ANGPTL7: variants seen among roughly 807,000 people sequenced by gnomAD.
ANGPTL7 encodes angiopoietin-related protein 7.
In ANGPTL7, 37 loss-of-function variants were observed where a neutral mutation model predicts 38.8. That is an observed-to-expected ratio of 0.95 (90% CI 0.73 to 1.25). The LOEUF (loss-of-function observed/expected upper bound fraction) is 1.25, where lower values mean the gene tolerates loss of function less well. ANGPTL7 is among the 50% of genes most tolerant of loss of function. ANGPTL7 has a pLI of 0.00. For synonymous variants in ANGPTL7, 166 were observed against 163.2 expected, an observed-to-expected ratio of 1.02 and a Z score of -0.13; for missense variants, 427 against 438.6, an observed-to-expected ratio of 0.97 and a Z score of 0.24.
Position 11,194,561 on chromosome 1 carries a change from T to C in ANGPTL7, c.773T>C (p.Val258Ala). 3 of 1,614,078 alleles carry C rather than the reference T, an allele frequency of 1.9e-6. No homozygotes were observed. Among genetic ancestry groups the C allele is most frequent in the Non-Finnish European group, 2.5e-6 (3 of 1,180,012 alleles). ...TTCCTGGGGAACTACACTGGCAATG[T>C]GGGGAACGACGCCCTCCAGTATCAT... is the stretch of plus-strand genomic sequence containing the variant. ...RLFLGNYTGN[V>A]GNDALQYHNN... Residue 258 changes from valine to alanine, a missense_variant, in exon 4 of 5, where the codon GTG becomes GCG. By Grantham distance (64) the Val-to-Ala change is moderately conservative. Transcript: ENST00000376819.
At position 11,189,900 on chromosome 1, in the gene ANGPTL7, C is replaced by T. The variant is rs200123468; in HGVS notation, c.321C>T (p.Asn107=). The T allele has an allele frequency of 3.7e-6, 6 of 1,613,984 alleles. No homozygotes were observed. The Admixed American group carries it at 6.7e-5, about 18-fold the overall frequency. ...AGAGCAAGTACTCCGAGATGAACAA[C>T]CAAATTGACATCATGCAGCTGCAGG... ...DAESKYSEMN[N]QIDIMQLQAA... Residue 107 remains asparagine, a synonymous_variant, in exon 1 of 5, where the codon AAC becomes AAT. Coordinates refer to ENST00000376819, the MANE Select transcript of ANGPTL7 (RefSeq NM_021146.4).
chr1:11,192,331 G>C lies in ANGPTL7; in HGVS notation c.438G>C (p.Lys146Asn), dbSNP rs761260014. Residue 146 changes from lysine to asparagine, a missense_variant, in exon 2 of 5, where the codon AAG becomes AAC. By Grantham distance (94) the Lys-to-Asn change is moderately conservative. Transcript: ENST00000376819. ...QKNYRISGVY[K>N]LPPDDFLGSP... The stretch of plus-strand genomic sequence containing the variant: ...ACTACCGCATCTCTGGAGTGTATAA[G>C]CTTCCTCCTGATGACTTCCTGGGCA... 1 of 1,614,084 alleles carries C rather than the reference G, an allele frequency of 6.2e-7. No homozygotes were observed. The highest frequency in any genetic ancestry group is 8.5e-7 in the Non-Finnish European group (1 of 1,180,010).
chr1:11,195,263 C>CT lies in ANGPTL7; in HGVS notation c.*241dup. ...GCCACATCCTTCTCAAGGTGGTAGA[C>CT]TGAGTGGGGTCTCTCTGCCCAAGAT... On this transcript the variant is annotated 3_prime_UTR_variant, in exon 5 of 5. Coordinates refer to ENST00000376819, the MANE Select transcript of ANGPTL7 (RefSeq NM_021146.4). 1 of 456,036 alleles carries CT rather than the reference C, an allele frequency of 2.2e-6. No individual in the cohort carries two copies. The highest frequency in any genetic ancestry group is 3.9e-6 in the Non-Finnish European group (1 of 258,080). 28.2% of individuals were successfully genotyped at this position (456,036 alleles called of 1,614,324 possible). A position where few individuals can be genotyped will look rare whatever the true frequency, so the allele number is the denominator to read the frequency against.
In ANGPTL7 at chr1:11,194,838, C is replaced by G. The variant is rs781413412; in HGVS notation, c.872-16C>G. The G allele has an allele frequency of 2.4e-5, 39 of 1,613,524 alleles. No individual in the cohort carries two copies. The highest frequency in any genetic ancestry group is 3.2e-5 in the Non-Finnish European group (38 of 1,179,692). ...CACAGTCAACTTACTAGCACTGGGT[C>G]TGTTTCTCATGCCAGGTGGCTACTG... On this transcript the variant is annotated splice_polypyrimidine_tract_variant and intron_variant, in intron 4 of 4. Transcript: ENST00000376819.
Position 11,189,461 on chromosome 1 carries a change from G to A in ANGPTL7, c.-119G>A. 1.7e-6 allele frequency: 2 copies of A among 1,205,292 alleles called. No individual in the cohort carries two copies. The highest frequency in any genetic ancestry group is 2.3e-6 in the Non-Finnish European group (2 of 865,772). 74.7% of individuals were successfully genotyped at this position (1,205,292 alleles called of 1,614,324 possible). A position where few individuals can be genotyped will look rare whatever the true frequency, so the allele number is the denominator to read the frequency against. Reference sequence around the variant, plus strand: ...AGGAAAGAGAGAAAACAACAAAGTGGCGAGGCCCTCAGAGTGAAAGCGTAA... The same window carrying A: ...AGGAAAGAGAGAAAACAACAAAGTGACGAGGCCCTCAGAGTGAAAGCGTAA... On this transcript the variant is annotated 5_prime_UTR_variant, in exon 1 of 5. Coordinates refer to ENST00000376819, the MANE Select transcript of ANGPTL7 (RefSeq NM_021146.4).
At chr1:11,193,921 G>C in intron 3 of ANGPTL7, 147 bp downstream of exon 3, 1 of 957,014 alleles carries the variant, frequency 1.0e-6, no homozygotes, top group East Asian at 2.7e-5. Context: ...ATGGAGTTGA[G>C]GAAAAATAGG....
rs757169602 is a variant in ANGPTL7 at position 11,195,065 on chromosome 1, G to A, written c.*42G>A. 247 of 1,598,698 alleles carry A rather than the reference G, an allele frequency of 1.5e-4. No individual in the cohort carries two copies. Among genetic ancestry groups the A allele is most frequent in the Non-Finnish European group, 1.9e-4 (219 of 1,170,708 alleles). On this transcript the variant is annotated 3_prime_UTR_variant, in exon 5 of 5. Transcript: ENST00000376819. ...AGCACGGATACAGAAACTGAGACAC[G>A]TGGAGACTGGATGAGGGCAGATGAG...
At chr1:11,194,818 T>C (rs752137567) in intron 4 of ANGPTL7, 36 bp from the exon 5 acceptor site, 3 of 1,611,170 alleles carry the variant, frequency 1.9e-6, no homozygotes, top group Non-Finnish European at 2.5e-6. Context: ...TCTATCACAG[T>C]CAACTTACTA....
chr1:11,189,931 C>T lies in ANGPTL7; in HGVS notation c.352C>T (p.Gln118Ter). 6.2e-7 allele frequency: 1 copy of T among 1,612,480 alleles called. No homozygotes were observed. The highest frequency in any genetic ancestry group is 8.5e-7 in the Non-Finnish European group (1 of 1,179,364). ...QIDIMQLQAA[Q>*]TVTQTSADAI... ...TGACATCATGCAGCTGCAGGCAGCACAGACGGTCACTCAGACCTCCGCAGG... is the reference window on the plus strand; with the variant it reads ...TGACATCATGCAGCTGCAGGCAGCATAGACGGTCACTCAGACCTCCGCAGG... The change falls in exon 1 of 5, where the codon CAG (glutamine) becomes TAG (stop). Residue 118 changes from glutamine (Q) to a stop codon, truncating the protein, a stop_gained. Coordinates refer to ENST00000376819, the MANE Select transcript of ANGPTL7 (RefSeq NM_021146.4). LOFTEE classifies it high-confidence loss of function.
rs907038685 is a variant in ANGPTL7, at chr1:11,195,805, G to T, written c.*782G>T. On this transcript the variant is annotated 3_prime_UTR_variant, in exon 5 of 5. Coordinates refer to ENST00000376819, the MANE Select transcript of ANGPTL7 (RefSeq NM_021146.4). ...TTACTTTGTAAGAAACAAGCTCAAG[G>T]AGCTTCCTTTTAAATTTTGTCTGTA... is the stretch of plus-strand genomic sequence containing the variant. 2 of 152,420 alleles carry T rather than the reference G, an allele frequency of 1.3e-5. No individual in the cohort carries two copies. Among genetic ancestry groups the T allele is most frequent in the Non-Finnish European group, 2.9e-5 (2 of 68,022 alleles). 9.4% of individuals were successfully genotyped at this position (152,420 alleles called of 1,614,324 possible). A position where few individuals can be genotyped will look rare whatever the true frequency, so the allele number is the denominator to read the frequency against.
Position 11,195,064 on chromosome 1 carries a change from C to A in ANGPTL7, c.*41C>A, listed in dbSNP as rs745392551. ...GAGCACGGATACAGAAACTGAGACA[C>A]GTGGAGACTGGATGAGGGCAGATGA... On this transcript the variant is annotated 3_prime_UTR_variant, in exon 5 of 5. Transcript: ENST00000376819. 1 of 1,600,248 alleles carries A rather than the reference C, an allele frequency of 6.2e-7. No homozygotes were observed. The highest frequency in any genetic ancestry group is 8.5e-7 in the Non-Finnish European group (1 of 1,171,732).
At chr1:11,191,867 A>G (rs1475848522) in intron 1 of ANGPTL7, among the ~76,000 whole-genome samples, 1 of 152,230 alleles carries the variant, frequency 6.6e-6, no homozygotes, top group Non-Finnish European at 1.5e-5. Context: ...ACTCTATGAG[A>G]TATTCACGAC....
rs1226798491 is a variant in ANGPTL7, at chr1:11,194,464, T to C, written c.676T>C (p.Trp226Arg). The change falls in exon 4 of 5, where the codon TGG becomes CGG. Residue 226 changes from tryptophan (W) to arginine (R), a missense_variant. Coordinates refer to ENST00000376819, the MANE Select transcript of ANGPTL7 (RefSeq NM_021146.4). ...AAGGCTCTGCTCCTCCTGACAGGACTGGGAGGGCAACCTGCGCTACGCTGA... is the reference window on the plus strand; with the variant it reads ...AAGGCTCTGCTCCTCCTGACAGGACCGGGAGGGCAACCTGCGCTACGCTGA... ...PTRLRVEMED[W>R]EGNLRYAEYS... The C allele has an allele frequency of 1.2e-6, 2 of 1,613,924 alleles. No homozygotes were observed. The highest frequency in any genetic ancestry group is 2.2e-5 in the East Asian group (1 of 44,884).
At chr1:11,191,246 A>G (rs1040824002) in intron 1 of ANGPTL7, among the ~76,000 whole-genome samples, 12 of 152,158 alleles carry the variant, frequency 7.9e-5, no homozygotes, top group Non-Finnish European at 1.5e-4. Context: ...CTTCTCTATG[A>G]CCAAGTGCTC....
rs377388535 is a variant in ANGPTL7 at position 11,191,621 on chromosome 1, C to T, written c.377-649C>T. Among the ~76,000 whole-genome samples the T allele has an allele frequency of 5.4e-4, 82 of 152,320 alleles. 1 individual carries two copies. The highest frequency in any genetic ancestry group is 1.9e-3 in the African/African-American group (78 of 41,564). Reference sequence around the variant, plus strand: ...TAAATCCTGCATAAAGTAGCAGCTCCATGGCCCTAGAGTAAAAAAACTGGC... The same window carrying T: ...TAAATCCTGCATAAAGTAGCAGCTCTATGGCCCTAGAGTAAAAAAACTGGC... On this transcript the variant is annotated intron_variant, in intron 1 of 4. Transcript: ENST00000376819.
intron 3 of ANGPTL7, among the ~76,000 whole-genome samples, chr1:11,194,201 C>T (rs1291185250): frequency 6.6e-6 from 1 of 152,158 alleles, no homozygotes; most frequent in African/African-American, 2.4e-5. Flanking sequence ...AACATAGCTG[C>T]ACCTTATAAG....
rs1164942008 is a variant in ANGPTL7, at chr1:11,189,961, G to C, written c.376+6G>C. The C allele has an allele frequency of 6.2e-7, 1 of 1,601,512 alleles. No individual in the cohort carries two copies. Among genetic ancestry groups the C allele is most frequent in the African/African-American group, 1.3e-5 (1 of 74,848 alleles). ...GGTCACTCAGACCTCCGCAGGTAAG[G>C]AGACCAGTCCCCTGAGGGAGCGTGG... On this transcript the variant is annotated splice_donor_region_variant and intron_variant, in intron 1 of 4. Coordinates refer to ENST00000376819, the MANE Select transcript of ANGPTL7 (RefSeq NM_021146.4).
chr1:11,190,937 T>C (rs868082523), intron 1 of ANGPTL7, among the ~76,000 whole-genome samples: 6 of 152,198 alleles, frequency 3.9e-5, no homozygotes, highest in African/African-American at 1.4e-4. Flanking sequence ...AGCTTGAAAA[T>C]TCTGTTACCT....
intron 3 of ANGPTL7, among the ~76,000 whole-genome samples, 185 bp downstream of exon 3, chr1:11,193,959 C>A (rs1271826089): frequency 2.0e-5 from 3 of 152,272 alleles, no homozygotes; most frequent in Non-Finnish European, 4.4e-5. Context: ...ACCCCCCCAA[C>A]CCCCCGACAA....
Sources: allele counts gnomAD v4.1 joint callset (sites outside exome capture counted in the v4.1 genomes callset), GRCh38; gene constraint gnomAD v4.1.1; transcripts MANE v1.5; gene names NCBI Gene and HGNC (gene_info 2026-07-23, HGNC 2026-07-21).